UNC13C: variants seen among roughly 807,000 people sequenced by gnomAD.
UNC13C encodes unc-13 homolog C.
UNC13C carries 174 observed loss-of-function variants against 245.4 expected under a neutral mutation model. The observed-to-expected ratio is 0.71, with a 90% CI of 0.63 to 0.80. The LOEUF is 0.80. UNC13C is among the 30% of genes least tolerant of loss of function. UNC13C has a pLI of 0.00. For synonymous variants in UNC13C, 992 were observed against 895.1 expected (o/e 1.11, Z -1.93); for missense variants, 2,829 against 2,602.9 (o/e 1.09, Z -1.89).
the UNC13C span, among the ~76,000 whole-genome samples, chr15:53,932,850 A>C: frequency 3.9e-5 from 6 of 152,200 alleles, no homozygotes; most frequent in East Asian, 1.2e-3. Flanking sequence ...ATACTCAACT[A>C]TCTCTTAAAC....
the UNC13C span, among the ~76,000 whole-genome samples, chr15:53,950,655 C>G: frequency 6.6e-6 from 1 of 152,158 alleles, no homozygotes; most frequent in African/African-American, 2.4e-5. Context: ...CACTGTAAGA[C>G]ATGGAATGCT....
chr15:54,094,466 G>C (rs894096314), intron 2 of UNC13C, among the ~76,000 whole-genome samples: 2 of 152,140 alleles, frequency 1.3e-5, no homozygotes, highest in African/African-American at 4.8e-5. Context: ...TCATGAGTGT[G>C]CATTTTATAT....
chr15:54,284,978 G>C (rs2037104390), intron 10 of UNC13C, among the ~76,000 whole-genome samples: 1 of 151,998 alleles, frequency 6.6e-6, no homozygotes, highest in Non-Finnish European at 1.5e-5. Context: ...TCTAATTGTG[G>C]GTTCTAGAAG....
At chr15:54,463,656 G>A (rs2141030440) in intron 19 of UNC13C, among the ~76,000 whole-genome samples, 1 of 152,240 alleles carries the variant, frequency 6.6e-6, no homozygotes, top group Non-Finnish European at 1.5e-5. Context: ...CCGAACATCA[G>A]AAGGAACAAA....
chr15:54,164,496 CTAAA>C lies in UNC13C; in HGVS notation c.3071+20820_3071+20823del, dbSNP rs532286347. Among the ~76,000 whole-genome samples the C allele has an allele frequency of 3.9e-4, 60 of 152,210 alleles. No individual in the cohort carries two copies. The South Asian group carries it at 3.9e-3, about 10-fold the overall frequency. ...GGATGCTATAAATAAGTAAAAAAAT[CTAAA>C]TAAATAAGTAAATAAAACATCAGTA... On this transcript the variant is annotated intron_variant, in intron 4 of 32. Transcript: ENST00000260323.
intron 2 of UNC13C, among the ~76,000 whole-genome samples, chr15:54,039,050 G>T (rs913591466): frequency 6.6e-6 from 1 of 152,064 alleles, no homozygotes; most frequent in Non-Finnish European, 1.5e-5. Flanking sequence ...ACAAATCAAC[G>T]TGCTTTTTAT....
chr15:53,846,073 T>G, the UNC13C span, among the ~76,000 whole-genome samples: 1 of 152,210 alleles, frequency 6.6e-6, no homozygotes, highest in Non-Finnish European at 1.5e-5. Context: ...TTGTATTAGA[T>G]GATTTTGCCC....
chr15:54,232,017 G>C (rs2035566830), intron 4 of UNC13C, among the ~76,000 whole-genome samples: 1 of 152,048 alleles, frequency 6.6e-6, no homozygotes, highest in Non-Finnish European at 1.5e-5. Flanking sequence ...AAAATAGTTT[G>C]CATTTATGTA....
At chr15:54,133,100 A>G (rs1039316852) in intron 2 of UNC13C, among the ~76,000 whole-genome samples, 3 of 152,234 alleles carry the variant, frequency 2.0e-5, no homozygotes, top group African/African-American at 7.2e-5. Context: ...GTGAATAAAC[A>G]TTCCTTGTTT....
At chr15:54,244,159 G>A (rs2035931554) in intron 7 of UNC13C, among the ~76,000 whole-genome samples, 1 of 152,112 alleles carries the variant, frequency 6.6e-6, no homozygotes, top group Non-Finnish European at 1.5e-5. Flanking sequence ...TTTTGTATAT[G>A]ATGTAAGCAA....
chr15:54,460,247 C>G (rs1891762441), intron 19 of UNC13C, among the ~76,000 whole-genome samples: 1 of 152,322 alleles, frequency 6.6e-6, no homozygotes, highest in Admixed American at 6.5e-5. Flanking sequence ...TGTGATCCAT[C>G]TTCATGTCTC....
chr15:54,231,354 C>T (rs1004443658), intron 4 of UNC13C, among the ~76,000 whole-genome samples: 1 of 151,844 alleles, frequency 6.6e-6, no homozygotes, highest in African/African-American at 2.4e-5. Context: ...TAATTGTAGA[C>T]CTCAGTTCAT....
At chr15:54,279,740 A>C (rs1479866601) in intron 10 of UNC13C, among the ~76,000 whole-genome samples, 4 of 152,166 alleles carry the variant, frequency 2.6e-5, no homozygotes, top group Non-Finnish European at 5.9e-5. Flanking sequence ...GGCAAGAAAT[A>C]TTTATTATCT....
chr15:54,029,236 T>A (rs1378439456), intron 2 of UNC13C, among the ~76,000 whole-genome samples: 2 of 152,224 alleles, frequency 1.3e-5, no homozygotes, highest in Non-Finnish European at 2.9e-5. Flanking sequence ...TGCCTCTGCC[T>A]GTACTCTCTG....
At chr15:54,618,121 T>C (rs1316299667) in intron 30 of UNC13C, among the ~76,000 whole-genome samples, 1 of 152,108 alleles carries the variant, frequency 6.6e-6, no homozygotes, top group Non-Finnish European at 1.5e-5. Flanking sequence ...ATACTAAAAT[T>C]ATGGTAGGTG....
At chr15:54,561,845 C>T (rs1458255242) in intron 29 of UNC13C, among the ~76,000 whole-genome samples, 1 of 151,846 alleles carries the variant, frequency 6.6e-6, no homozygotes, top group African/African-American at 2.4e-5. Flanking sequence ...ATGATGAGAG[C>T]TATCAGCAAG....
At chr15:54,264,090 C>T in intron 8 of UNC13C, 78 bp from the exon 9 acceptor site, 1 of 1,411,490 alleles carries the variant, frequency 7.1e-7, no homozygotes, top group South Asian at 1.3e-5. Context: ...CTCACTTCCT[C>T]CTCCTTTTCC....
At chr15:53,984,204 T>A (rs1343554712) in intron 1 of UNC13C, among the ~76,000 whole-genome samples, 2 of 152,046 alleles carry the variant, frequency 1.3e-5, no homozygotes, top group Non-Finnish European at 2.9e-5. Flanking sequence ...TATGGCAAAA[T>A]ATTTTTTTTT....
At chr15:54,296,513 G>A (rs1054066678) in intron 11 of UNC13C, among the ~76,000 whole-genome samples, 2 of 151,838 alleles carry the variant, frequency 1.3e-5, no homozygotes, top group Non-Finnish European at 2.9e-5. Flanking sequence ...CCATCGCGCC[G>A]GGCCCAGCAG....
Sources: allele counts gnomAD v4.1 joint callset (sites outside exome capture counted in the v4.1 genomes callset), GRCh38; gene constraint gnomAD v4.1.1; transcripts MANE v1.5; gene names NCBI Gene and HGNC (gene_info 2026-07-23, HGNC 2026-07-21).